The following AIFM1 variants were observed in gnomAD, a reference collection of about 807,000 sequenced individuals.
AIFM1 encodes the protein apoptosis-inducing factor 1, mitochondrial.
AIFM1 carries 3 observed loss-of-function variants against 51.7 expected under a neutral mutation model. The ratio of observed to expected loss-of-function variants is 0.06; its 90% CI spans 0.03 to 0.15. AIFM1 has a LOEUF of 0.15. AIFM1 is among the 10% of genes least tolerant of loss of function. The probability of loss-of-function intolerance (pLI) is 1.00; values close to 1 mark genes in which losing one functional copy is unlikely to be tolerated. For missense variants in AIFM1, 330 were observed against 476.8 expected (o/e 0.69, Z 2.87); for synonymous variants, 178 against 179.4 (o/e 0.99, Z 0.06).
chrX:130,139,644 G>A, intron 8 of AIFM1, 151 bp downstream of exon 8: 1 of 527,101 alleles, frequency 1.9e-6, no homozygotes, highest in Non-Finnish European at 3.3e-6. Flanking sequence ...GCAGAGAGAG[G>A]AAGTGACTTG....
At chrX:130,132,460 A>G (rs1481977063) in intron 13 of AIFM1, among the ~76,000 whole-genome samples, 1 of 112,858 alleles carries the variant, frequency 8.9e-6, no homozygotes, top group Non-Finnish European at 1.9e-5. Flanking sequence ...TTGAAGCTTT[A>G]AAGAGTGTTC....
At chrX:130,135,945 A>G (rs2030316823) in intron 12 of AIFM1, 100 bp downstream of exon 12, 2 of 1,087,187 alleles carry the variant, frequency 1.8e-6, no homozygotes, top group African/African-American at 1.8e-5. Flanking sequence ...CTCTGACCCT[A>G]TTTGGTTAGG....
chrX:130,149,450 G>C lies in AIFM1; in HGVS notation c.349+19C>G. On this transcript the variant is annotated intron_variant, in intron 3 of 15. Transcript: ENST00000287295. Reference sequence around the variant, plus strand: ...CTTTGTGAGTCTCAAATCATAGCAAGACTTAAGGGAATACTCACCAGATAA... The same window carrying C: ...CTTTGTGAGTCTCAAATCATAGCAACACTTAAGGGAATACTCACCAGATAA... 9 of 1,171,496 alleles carry C rather than the reference G, an allele frequency of 7.7e-6. No individual in the cohort carries two copies. The highest frequency in any genetic ancestry group is 1.0e-5 in the Non-Finnish European group (9 of 859,060).
At chrX:130,145,909 A>G (rs1874247795) in intron 5 of AIFM1, among the ~76,000 whole-genome samples, 1 of 111,661 alleles carries the variant, frequency 9.0e-6, no homozygotes, top group Non-Finnish European at 1.9e-5. Context: ...CCCCACCCCC[A>G]GCAAAGCGTT....
At chrX:130,154,864 T>C (rs1235477202) in intron 2 of AIFM1, among the ~76,000 whole-genome samples, 2 of 112,515 alleles carry the variant, frequency 1.8e-5, no homozygotes, top group African/African-American at 3.2e-5. Context: ...CACAATATAA[T>C]TTGGTATCAT....
chrX:130,156,098 A>G (rs1030268006), intron 2 of AIFM1, among the ~76,000 whole-genome samples: 1 of 112,066 alleles, frequency 8.9e-6, no homozygotes, highest in Admixed American at 9.5e-5. Context: ...GGTCAAAATC[A>G]AATATTGTGC....
intron 2 of AIFM1, among the ~76,000 whole-genome samples, chrX:130,151,202 G>A (rs1334197348): frequency 2.8e-5 from 3 of 107,557 alleles, no homozygotes; most frequent in Non-Finnish European, 5.8e-5. Context: ...GTGCAGTGGC[G>A]TGATCTCGGC....
At chrX:130,145,785 T>C (rs894338975) in intron 5 of AIFM1, among the ~76,000 whole-genome samples, 4 of 111,884 alleles carry the variant, frequency 3.6e-5, no homozygotes, top group African/African-American at 6.5e-5. Flanking sequence ...CAGGGGATGT[T>C]TGCCAGTGTC....
chrX:130,143,259 G>T (rs780638602), intron 6 of AIFM1, among the ~76,000 whole-genome samples: 1 of 111,646 alleles, frequency 9.0e-6, no homozygotes, highest in African/African-American at 3.3e-5. Flanking sequence ...TCCCCTGGGC[G>T]TGGCAGTCAT....
intron 1 of AIFM1, among the ~76,000 whole-genome samples, chrX:130,161,045 T>C (rs1241446100): frequency 9.0e-6 from 1 of 111,660 alleles, no homozygotes; most frequent in Non-Finnish European, 1.9e-5. Flanking sequence ...GTAGCTAAAC[T>C]AGCAAGTTCA....
intron 5 of AIFM1, among the ~76,000 whole-genome samples, chrX:130,146,408 C>T (rs2030750843): frequency 9.1e-6 from 1 of 109,399 alleles, no homozygotes; most frequent in Non-Finnish European, 1.9e-5. Flanking sequence ...TCGGCCACTG[C>T]ACTCCAGCAT....
intron 1 of AIFM1, among the ~76,000 whole-genome samples, chrX:130,163,388 A>T (rs1033505452): frequency 9.0e-6 from 1 of 111,685 alleles, no homozygotes; most frequent in Non-Finnish European, 1.9e-5. Context: ...CCACCTGTGC[A>T]AAAACACACG....
At chrX:130,157,530 T>A (rs1034811020) in intron 1 of AIFM1, among the ~76,000 whole-genome samples, 1 of 112,447 alleles carries the variant, frequency 8.9e-6, no homozygotes, top group African/African-American at 3.2e-5. Flanking sequence ...AACTACTCAA[T>A]TCCACTGATG....
At chrX:130,135,082 CT>C (rs758547960) in intron 12 of AIFM1, among the ~76,000 whole-genome samples, 1,068 of 100,563 alleles carry the variant, frequency 0.011, 14 homozygotes, top group African/African-American at 0.033. Flanking sequence ...CCACATATTA[CT>C]TTTTTTTTTT....
intron 1 of AIFM1, among the ~76,000 whole-genome samples, chrX:130,164,413 A>T (rs1409578822): frequency 3.6e-5 from 4 of 112,613 alleles, no homozygotes; most frequent in African/African-American, 1.3e-4. Context: ...ATTTGCAAAG[A>T]CCCTAACAAC....
chrX:130,149,981 G>A (rs925543467), intron 2 of AIFM1, among the ~76,000 whole-genome samples: 36 of 111,971 alleles, frequency 3.2e-4, no homozygotes, highest in Non-Finnish European at 6.2e-4. Flanking sequence ...ATAGGGTCCC[G>A]GGTAGGAAGC....
chrX:130,156,302 T>C (rs942093777), intron 2 of AIFM1, among the ~76,000 whole-genome samples, 159 bp downstream of exon 2: 4 of 112,185 alleles, frequency 3.6e-5, no homozygotes, highest in Admixed American at 9.5e-5. Flanking sequence ...TTGGCTCCCA[T>C]AAGATATTAG....
At chrX:130,147,674 C>T in intron 4 of AIFM1, 51 bp from the exon 5 acceptor site, 1 of 1,211,571 alleles carries the variant, frequency 8.3e-7, no homozygotes, top group African/African-American at 1.7e-5. Flanking sequence ...ATTTAAGGGG[C>T]AAATGTCAAA....
intron 5 of AIFM1, among the ~76,000 whole-genome samples, chrX:130,147,032 C>T (rs890990365): frequency 9.0e-6 from 1 of 111,297 alleles, no homozygotes; most frequent in African/African-American, 3.3e-5. Context: ...TGTGGTGGTA[C>T]GTGCTTGTAA....
Sources: allele counts gnomAD v4.1 joint callset (sites outside exome capture counted in the v4.1 genomes callset), GRCh38; gene constraint gnomAD v4.1.1; transcripts MANE v1.5; gene names NCBI Gene and HGNC (gene_info 2026-07-23, HGNC 2026-07-21).